Variants in DOCK9 observed in about 807,000 individuals in gnomAD.
DOCK9 encodes dedicator of cytokinesis protein 9.
DOCK9 carries 89 observed loss-of-function variants against 263.3 expected under a neutral mutation model. The observed-to-expected ratio is 0.34, with a 90% CI of 0.28 to 0.40. DOCK9 has a LOEUF of 0.40. DOCK9 is among the 10% of genes least tolerant of loss of function. The pLI is 1.00. For synonymous variants in DOCK9, 976 were observed against 973.1 expected, an observed-to-expected ratio of 1.00 and a Z score of -0.06; for missense variants, 2,140 against 2,603.4, an observed-to-expected ratio of 0.82 and a Z score of 3.87.
Position 98,837,561 on chromosome 13 carries a change from G to C in DOCK9, c.4247C>G (p.Ala1416Gly), listed in dbSNP as rs2093051150. The C allele has an allele frequency of 1.2e-6, 2 of 1,613,628 alleles. No homozygotes were observed. The highest frequency in any genetic ancestry group is 1.3e-5 in the African/African-American group (1 of 74,888). The change falls in exon 39 of 53, where the codon GCC becomes GGC. Residue 1416 changes from alanine to glycine, a missense_variant. By Grantham distance (60) the Ala-to-Gly change is moderately conservative. Coordinates refer to ENST00000682017, the MANE Select transcript of DOCK9 (RefSeq NM_001366683.2). ...CAGGCAAACCTCAGTAGCAATGTTG[G>C]CTTCAAGTAATGACTGGTGCAGAAC... ...ADVLHQSLLE[A>G]NIATEVCLTA...
At position 98,805,005 on chromosome 13, in the gene DOCK9, G is replaced by A. The variant is rs745348464; in HGVS notation, c.5719C>T (p.Leu1907=). Residue 1907 remains leucine, a synonymous_variant, in exon 49 of 53, where the codon CTG becomes TTG. Coordinates refer to ENST00000682017, the MANE Select transcript of DOCK9 (RefSeq NM_001366683.2). ...VEEQCKRRTI[L]TAIHCFPYVK... ...CGGCTTCTGGGGCCCATACCTGTCA[G>A]GATGGTGCGCCGTTTGCACTGCTCT... 13 of 1,601,480 alleles carry A rather than the reference G, an allele frequency of 8.1e-6. No homozygotes were observed. Among genetic ancestry groups the A allele is most frequent in the African/African-American group, 8.0e-5 (6 of 74,690 alleles).
At chr13:98,942,219 TG>T (rs1555416495) in intron 2 of DOCK9, among the ~76,000 whole-genome samples, 3 of 132,648 alleles carry the variant, frequency 2.3e-5, no homozygotes, top group African/African-American at 3.3e-5. Context: ...TCTCTGGTTA[TG>T]TTTTTTTTTT....
intron 1 of DOCK9, among the ~76,000 whole-genome samples, chr13:99,012,579 G>A (rs1884687239): frequency 6.6e-6 from 1 of 152,178 alleles, no homozygotes; most frequent in Admixed American, 6.5e-5. Flanking sequence ...TCCTACCCAA[G>A]CTGAGAACCC....
rs181565102 is a variant in DOCK9 at position 98,901,735 on chromosome 13, C to T, written c.1503+43G>A. ...ATAGTATCACATAAAGGCCTCTTTT[C>T]AGATTGCTTTTTACCACCCCAAAGC... On this transcript the variant is annotated intron_variant, in intron 13 of 52. Coordinates refer to ENST00000682017, the MANE Select transcript of DOCK9 (RefSeq NM_001366683.2). The T allele has an allele frequency of 3.4e-5, 55 of 1,596,920 alleles. No individual in the cohort carries two copies. The East Asian group carries it at 1.1e-3, about 32-fold the overall frequency.
intron 2 of DOCK9, among the ~76,000 whole-genome samples, chr13:98,948,165 G>A (rs1472798349): frequency 6.6e-6 from 1 of 152,144 alleles, no homozygotes; most frequent in African/African-American, 2.4e-5. Flanking sequence ...TCAGTCTCAT[G>A]TAAGTAGAAG....
In DOCK9 at chr13:99,041,480, C is replaced by CAAA. The variant is rs11411001; in HGVS notation, c.129+44740_129+44742dup. On this transcript the variant is annotated intron_variant, in intron 1 of 32. Coordinates refer to the DOCK9 transcript ENST00000427887. ...CCTGGGAAACAAAGTAAGACTGTCTCAAAAAAAAAAAAAAAGTTTTACCAC... is the reference window on the plus strand; with the variant it reads ...CCTGGGAAACAAAGTAAGACTGTCTCAAAAAAAAAAAAAAAAAAGTTTTACCAC... 5.4e-3 allele frequency among the ~76,000 whole-genome samples: 747 copies of CAAA among 137,266 alleles called. 9 individuals carry two copies. The highest frequency in any genetic ancestry group is 4.4e-3 in the Non-Finnish European group (279 of 63,518). The allele number at this position is 137,266 out of a possible 152,430, so 90.1% of individuals were successfully genotyped here.
intron 9 of DOCK9, among the ~76,000 whole-genome samples, chr13:98,908,976 G>A (rs1453857477): frequency 6.6e-6 from 1 of 152,212 alleles, no homozygotes; most frequent in Admixed American, 6.5e-5. Flanking sequence ...TTCTCAGAGT[G>A]ATGGAAACCA....
intron 20 of DOCK9, 155 bp downstream of exon 20, chr13:98,885,553 A>AT (rs2045566883): frequency 3.8e-6 from 3 of 797,474 alleles, no homozygotes; most frequent in East Asian, 6.3e-5. Context: ...AAAAAAAAAA[A>AT]TTACATATGC....
chr13:98,838,868 A>T (rs1281773152), intron 38 of DOCK9, among the ~76,000 whole-genome samples: 3 of 152,224 alleles, frequency 2.0e-5, no homozygotes, highest in Admixed American at 2.0e-4. Flanking sequence ...AATGAAGTAC[A>T]GAAAACCTAG....
intron 1 of DOCK9, among the ~76,000 whole-genome samples, chr13:98,977,305 G>A (rs1215831996): frequency 2.0e-5 from 3 of 152,168 alleles, no homozygotes; most frequent in African/African-American, 4.8e-5. Flanking sequence ...TGAGTGAGAA[G>A]AACATATGTG....
chr13:98,879,967 G>A lies in DOCK9; in HGVS notation c.2874C>T (p.Tyr958=). 1 of 1,600,774 alleles carries A rather than the reference G, an allele frequency of 6.2e-7. No individual in the cohort carries two copies. Among genetic ancestry groups the A allele is most frequent in the Admixed American group, 1.8e-5 (1 of 56,468 alleles). Reference sequence around the variant, plus strand: ...TCAGTACATCAAAGAAAAACCATGAGTACTAAAAGAAAAAAGAACAGGACC... The same window carrying A: ...TCAGTACATCAAAGAAAAACCATGAATACTAAAAGAAAAAAGAACAGGACC... ...DFLTSNKLLK[Y]SWFFFDVLIK... is the part of the protein sequence containing the mutation. Residue 958 remains tyrosine (Y), a splice_region_variant and synonymous_variant, in exon 27 of 53, where the codon TAC becomes TAT. Transcript: ENST00000682017.
At chr13:98,947,393 G>T (rs1438975318) in intron 2 of DOCK9, among the ~76,000 whole-genome samples, 1 of 143,158 alleles carries the variant, frequency 7.0e-6, no homozygotes, top group Non-Finnish European at 1.5e-5. Context: ...TCTTTTTAAG[G>T]ACTATGTGAT....
intron 1 of DOCK9, among the ~76,000 whole-genome samples, chr13:98,988,037 T>C (rs1490178931): frequency 6.6e-6 from 1 of 152,200 alleles, no homozygotes; most frequent in East Asian, 1.9e-4. Flanking sequence ...TTATTTTCCC[T>C]TCTTTCTACT....
At chr13:98,796,127 G>T in intron 52 of DOCK9, 1 of 1,081,716 alleles carries the variant, frequency 9.2e-7, no homozygotes, top group Non-Finnish European at 1.4e-6. Context: ...GCCAATGTCT[G>T]TAGTTGCTCA....
intron 12 of DOCK9, 92 bp downstream of exon 12, chr13:98,902,196 C>T (rs1184498454): frequency 7.4e-7 from 1 of 1,344,478 alleles, no homozygotes; most frequent in African/African-American, 1.5e-5. Flanking sequence ...CCCACTTGTG[C>T]ATTACAAGGT....
chr13:98,810,284 A>G lies in DOCK9; in HGVS notation c.5138T>C (p.Leu1713Pro). ...TGCGCACTGCTCAAGGAGCTCCATC[A>G]GCACATCCTGATCAAAGAGGAGGGC... ...MQDVHFNEDV[L>P]MELLEQCADG... Residue 1713 changes from leucine to proline, a missense_variant, in exon 46 of 53, where the codon CTG becomes CCG. By Grantham distance (98) the Leu-to-Pro change is moderately conservative (BLOSUM62 -3). This residue lies in a region of DOCK9 where 619 missense variants were observed against 861.8 expected (regional missense o/e 0.72). Transcript: ENST00000682017. 6.2e-7 allele frequency: 1 copy of G among 1,613,586 alleles called. No homozygotes were observed. The highest frequency in any genetic ancestry group is 8.5e-7 in the Non-Finnish European group (1 of 1,179,900).
chr13:98,923,263 T>C (rs767609641), intron 5 of DOCK9, 39 bp downstream of exon 5: 3 of 1,581,540 alleles, frequency 1.9e-6, no homozygotes, highest in Non-Finnish European at 1.7e-6. Context: ...TGTTTAAATC[T>C]AGAGTGAAAA....
At chr13:98,888,008 T>A in intron 18 of DOCK9, 150 bp downstream of exon 18, 1 of 594,124 alleles carries the variant, frequency 1.7e-6, no homozygotes, top group Non-Finnish European at 2.9e-6. Context: ...AGATTGAGTA[T>A]ATATGTTTAT....
chr13:98,905,856 G>A (rs1323339946), intron 9 of DOCK9, among the ~76,000 whole-genome samples: 1 of 151,898 alleles, frequency 6.6e-6, no homozygotes, highest in Non-Finnish European at 1.5e-5. Flanking sequence ...AGAATAAAAT[G>A]AGTTCCACAT....
Sources: allele counts gnomAD v4.1 joint callset (sites outside exome capture counted in the v4.1 genomes callset), GRCh38; gene constraint gnomAD v4.1.1; regional missense constraint gnomAD v4.1.1; transcripts MANE v1.5; gene names NCBI Gene and HGNC (gene_info 2026-07-23, HGNC 2026-07-21).